Variants in CCSER1 observed in about 807,000 individuals in gnomAD.
CCSER1 encodes the protein serine-rich coiled-coil domain-containing protein 1.
CCSER1 carries 41 observed loss-of-function variants against 82.0 expected under a neutral mutation model. That is an observed-to-expected ratio of 0.50 (90% CI 0.39 to 0.65). The LOEUF is 0.65. Ranked by LOEUF, CCSER1 falls within the 30% of genes least tolerant of loss-of-function variation. The probability of loss-of-function intolerance (pLI) is 0.00; values close to 1 mark genes in which losing one functional copy is unlikely to be tolerated. For missense variants in CCSER1, 1,119 were observed against 1,064.2 expected, an observed-to-expected ratio of 1.05 and a Z score of -0.72; for synonymous variants, 414 against 383.9, an observed-to-expected ratio of 1.08 and a Z score of -0.92.
At chr4:90,865,502 G>A (rs895555200) in intron 8 of CCSER1, among the ~76,000 whole-genome samples, 13 of 151,864 alleles carry the variant, frequency 8.6e-5, no homozygotes, top group Non-Finnish European at 1.8e-4. Flanking sequence ...TCTGATATGT[G>A]TTTGCCTTTA....
intron 10 of CCSER1, among the ~76,000 whole-genome samples, chr4:91,274,172 T>G (rs17018314): frequency 1.3e-5 from 2 of 152,152 alleles, no homozygotes; most frequent in South Asian, 2.1e-4. Context: ...GCTGATGTGA[T>G]GACTTTTTAA....
intron 7 of CCSER1, among the ~76,000 whole-genome samples, chr4:90,747,809 C>A (rs1388310669): frequency 7.6e-5 from 10 of 131,102 alleles, no homozygotes; most frequent in African/African-American, 2.5e-4. Flanking sequence ...CCCCTCCCCC[C>A]ACTCCACAAC....
At chr4:90,655,004 G>T (rs1729456052) in intron 6 of CCSER1, among the ~76,000 whole-genome samples, 1 of 151,930 alleles carries the variant, frequency 6.6e-6, no homozygotes, top group Non-Finnish European at 1.5e-5. Context: ...TTTAAATTTA[G>T]ATTATTCTAG....
At chr4:90,200,154 C>T (rs990091940) in intron 1 of CCSER1, among the ~76,000 whole-genome samples, 2 of 151,644 alleles carry the variant, frequency 1.3e-5, no homozygotes, top group African/African-American at 4.9e-5. Context: ...GCACCCAGTT[C>T]CCTAAAACCT....
In CCSER1 at chr4:91,505,457, C is replaced by T. The variant is rs186184691; in HGVS notation, c.2218-93115C>T. Among the ~76,000 whole-genome samples, 241 of 152,262 alleles carry T rather than the reference C, an allele frequency of 1.6e-3. 2 individuals carry two copies. The highest frequency in any genetic ancestry group is 5.4e-3 in the African/African-American group (226 of 41,544). ...TGAATTATATTCCTTTGGGTATATA[C>T]CCAGTAATGGGATTGCTAGGTCAAA... is the stretch of plus-strand genomic sequence containing the variant. On this transcript the variant is annotated intron_variant, in intron 10 of 10. Transcript: ENST00000509176.
intron 6 of CCSER1, among the ~76,000 whole-genome samples, chr4:90,701,461 A>T (rs1228390927): frequency 6.6e-6 from 1 of 152,156 alleles, no homozygotes; most frequent in Non-Finnish European, 1.5e-5. Context: ...TGTCTTGGCA[A>T]TGTGGGCTCT....
chr4:91,242,613 A>T (rs1739456808), intron 10 of CCSER1, among the ~76,000 whole-genome samples: 1 of 152,182 alleles, frequency 6.6e-6, no homozygotes. Context: ...CAATACCAAA[A>T]ACCTTATTCA....
intron 4 of CCSER1, among the ~76,000 whole-genome samples, chr4:90,433,100 A>G (rs866465860): frequency 1.1e-4 from 17 of 152,174 alleles, no homozygotes; most frequent in African/African-American, 4.1e-4. Context: ...CACTGCAGAC[A>G]TATATGTATA....
intron 3 of CCSER1, among the ~76,000 whole-genome samples, chr4:90,363,471 G>T (rs1366904758): frequency 6.6e-6 from 1 of 151,936 alleles, no homozygotes; most frequent in South Asian, 2.1e-4. Flanking sequence ...ATCTGTTGGG[G>T]GGTTCTCTTT....
intron 10 of CCSER1, among the ~76,000 whole-genome samples, chr4:91,136,295 A>G (rs1728465221): frequency 6.6e-6 from 1 of 152,214 alleles, no homozygotes; most frequent in Middle Eastern, 3.4e-3. Context: ...CTCCTTCCTC[A>G]TCCTCATCCT....
At chr4:90,189,005 T>C (rs546097575) in intron 1 of CCSER1, among the ~76,000 whole-genome samples, 1 of 152,030 alleles carries the variant, frequency 6.6e-6, no homozygotes, top group Admixed American at 6.6e-5. Context: ...GTAGTTTCTT[T>C]ATATTTTTGC....
chr4:90,976,063 A>T (rs1473264771), intron 9 of CCSER1, among the ~76,000 whole-genome samples: 2 of 151,368 alleles, frequency 1.3e-5, no homozygotes, highest in East Asian at 3.9e-4. Context: ...TCAGAGGTTT[A>T]TCTCCGAAAT....
At chr4:90,536,253 C>T (rs143674668) in intron 5 of CCSER1, among the ~76,000 whole-genome samples, 1 of 151,996 alleles carries the variant, frequency 6.6e-6, no homozygotes. Flanking sequence ...AGGCTGGTCA[C>T]GAACTCCTGA....
chr4:90,503,665 T>G (rs1397697415), intron 5 of CCSER1, among the ~76,000 whole-genome samples: 1 of 152,158 alleles, frequency 6.6e-6, no homozygotes, highest in East Asian at 1.9e-4. Context: ...ATGCGGTTTT[T>G]GGTTTTTTCT....
In CCSER1 at chr4:90,767,235, G is replaced by A. The variant is rs575989862; in HGVS notation, c.2010+43244G>A. Among the ~76,000 whole-genome samples the A allele has an allele frequency of 1.9e-3, 289 of 152,002 alleles. 1 individual carries two copies. Among genetic ancestry groups the A allele is most frequent in the Non-Finnish European group, 3.3e-3 (226 of 67,982 alleles). On this transcript the variant is annotated intron_variant, in intron 7 of 10. Coordinates refer to ENST00000509176, the MANE Select transcript of CCSER1 (RefSeq NM_001145065.2). Reference sequence around the variant, plus strand: ...GTTTCTAAGTTTGTTCTTTTTTTTAGGTAAAATAAAGAATTTAGCAGTAGT... The same window carrying A: ...GTTTCTAAGTTTGTTCTTTTTTTTAAGTAAAATAAAGAATTTAGCAGTAGT...
intron 6 of CCSER1, among the ~76,000 whole-genome samples, chr4:90,692,946 TATA>T (rs1281055361): frequency 6.6e-6 from 1 of 152,032 alleles, no homozygotes; most frequent in Non-Finnish European, 1.5e-5. Flanking sequence ...CTTTTTTCTT[TATA>T]AAGATGTTTG....
intron 6 of CCSER1, among the ~76,000 whole-genome samples, chr4:90,665,568 G>A (rs4619858): frequency 7.9e-5 from 12 of 151,856 alleles, no homozygotes; most frequent in East Asian, 3.9e-4. Flanking sequence ...TGATCCACCC[G>A]CCTCGGCCTC....
intron 1 of CCSER1, among the ~76,000 whole-genome samples, chr4:90,190,160 AG>A (rs946391350): frequency 6.6e-6 from 1 of 152,052 alleles, no homozygotes; most frequent in Non-Finnish European, 1.5e-5. Context: ...GTGACTTAGC[AG>A]GCGCATCTAG....
intron 9 of CCSER1, among the ~76,000 whole-genome samples, chr4:90,991,986 C>T (rs1389137263): frequency 6.6e-6 from 1 of 152,006 alleles, no homozygotes; most frequent in Non-Finnish European, 1.5e-5. Flanking sequence ...TTACTTGTTA[C>T]TTTTATTGCA....
Sources: gnomAD v4.1 joint callset for allele counts (sites outside exome capture counted in the v4.1 genomes callset) on GRCh38, gnomAD v4.1.1 for gene constraint, MANE v1.5 for transcripts, NCBI Gene and HGNC (gene_info 2026-07-23, HGNC 2026-07-21) for gene names.